The following ERBB4 variants were observed in gnomAD, a reference collection of about 807,000 sequenced individuals.
ERBB4 encodes receptor tyrosine-protein kinase erbB-4.
A neutral mutation model predicts 158.0 loss-of-function variants in ERBB4; 42 were observed. The observed-to-expected ratio is 0.27, with a 90% CI of 0.21 to 0.34. The LOEUF (loss-of-function observed/expected upper bound fraction) is 0.34, where lower values mean the gene tolerates loss of function less well. Among genes scored for constraint, ERBB4 ranks in the 10% least tolerant of loss-of-function variants. The pLI, the probability that ERBB4 is intolerant of heterozygous loss-of-function variation, is 1.00. For missense variants in ERBB4, 1,333 were observed against 1,624.1 expected (o/e 0.82, Z 3.08); for synonymous variants, 583 against 558.7 (o/e 1.04, Z -0.61).
chr2:212,537,150 C>CGGCGGCGGCGGCGGCGGCGGCGGG (rs576146218), intron 1 of ERBB4, among the ~76,000 whole-genome samples: 121 of 151,212 alleles, frequency 8.0e-4, no homozygotes, highest in African/African-American at 2.7e-3. Context: ...GCGGCGGCGG[C>CGGCGGCGGCGGCGGCGGCGGCGGG]GGCGGAGCGG....
rs5838309 is a variant in ERBB4, at chr2:212,206,589, C to CTTTTTTTTT, written c.83-81695_83-81687dup. On this transcript the variant is annotated intron_variant, in intron 1 of 27. Transcript: ENST00000342788. ...ATGAACTGTCTCCGTCTGTTCTGTT[C>CTTTTTTTTT]TTTTTTTTTTTTTTTTGAGACGGAG... is the stretch of plus-strand genomic sequence containing the variant. 3.4e-4 allele frequency among the ~76,000 whole-genome samples: 39 copies of CTTTTTTTTT among 116,410 alleles called. 2 individuals carry two copies. The highest frequency in any genetic ancestry group is 5.7e-4 in the Non-Finnish European group (32 of 55,862). The allele number at this position is 116,410 out of a possible 152,430, so 76.4% of individuals were successfully genotyped here.
chr2:212,502,913 G>A (rs1236178922), intron 1 of ERBB4, among the ~76,000 whole-genome samples: 1 of 152,034 alleles, frequency 6.6e-6, no homozygotes, highest in Non-Finnish European at 1.5e-5. Flanking sequence ...TGGGACTACA[G>A]GAACATGCCA....
At chr2:212,147,082 C>T (rs543469802) in intron 1 of ERBB4, among the ~76,000 whole-genome samples, 8 of 141,486 alleles carry the variant, frequency 5.7e-5, no homozygotes, top group African/African-American at 8.0e-5. Context: ...CCTCCATCTC[C>T]GGGGTTCAAG....
At chr2:212,447,774 TTGTGTGTG>T (rs3040357) in intron 1 of ERBB4, among the ~76,000 whole-genome samples, 9 of 147,102 alleles carry the variant, frequency 6.1e-5, no homozygotes, top group South Asian at 2.2e-4. Context: ...TCATAAAAGA[TTGTGTGTG>T]TGTGTGTGTG....
intron 1 of ERBB4, among the ~76,000 whole-genome samples, chr2:212,378,589 G>C (rs1050445085): frequency 1.3e-5 from 2 of 151,708 alleles, no homozygotes; most frequent in African/African-American, 2.4e-5. Context: ...CATTCAAAGC[G>C]CTCATTTTTT....
rs374752358 is a variant in ERBB4, at chr2:212,384,545, G to A, written c.82+153904C>T. ...ACATTAGCAGAGAAACTTATGAAAA[G>A]GTCATGTCTAAAGACTTCATTTGAT... On this transcript the variant is annotated intron_variant, in intron 1 of 27. Transcript: ENST00000342788. Among the ~76,000 whole-genome samples, 13 of 151,694 alleles carry A rather than the reference G, an allele frequency of 8.6e-5. 1 individual carries two copies. The highest frequency in any genetic ancestry group is 3.1e-4 in the African/African-American group (13 of 41,464).
intron 2 of ERBB4, among the ~76,000 whole-genome samples, chr2:211,949,420 A>G (rs1177086444): frequency 1.3e-5 from 2 of 152,216 alleles, no homozygotes; most frequent in Non-Finnish European, 2.9e-5. Flanking sequence ...TGTAGCTGGC[A>G]TAAATTTAGA....
chr2:211,834,672 G>C (rs1046945545), intron 3 of ERBB4, among the ~76,000 whole-genome samples: 17 of 152,046 alleles, frequency 1.1e-4, no homozygotes, highest in African/African-American at 3.9e-4. Context: ...CATCAATATG[G>C]AAGTGGGCCA....
rs181661871 is a variant in ERBB4, at chr2:211,653,953, T to C, written c.1946+3801A>G. 7.7e-3 allele frequency among the ~76,000 whole-genome samples: 1,177 copies of C among 152,206 alleles called. 10 individuals are homozygous for C. Among genetic ancestry groups the C allele is most frequent in the African/African-American group, 0.025 (1,035 of 41,526 alleles). ...CCTCCCAAAGTGCTGGGATTACAGG[T>C]ATGAGCCACCGCGCCCTGCCCAAAA... On this transcript the variant is annotated intron_variant, in intron 16 of 27. Coordinates refer to ENST00000342788, the MANE Select transcript of ERBB4 (RefSeq NM_005235.3).
chr2:212,357,722 T>C (rs17347530), intron 1 of ERBB4, among the ~76,000 whole-genome samples: 17,756 of 151,750 alleles, frequency 0.12, 1,422 homozygotes, highest in Non-Finnish European at 0.17. Context: ...ATCAAAGACA[T>C]AGTGTGCTGC....
At chr2:212,364,061 T>G (rs1013807110) in intron 1 of ERBB4, among the ~76,000 whole-genome samples, 1 of 151,792 alleles carries the variant, frequency 6.6e-6, no homozygotes, top group African/African-American at 2.4e-5. Context: ...CTGAAGAATG[T>G]TTAAAATTTA....
In ERBB4 at chr2:211,630,610, A is replaced by G. The variant is rs374233119; in HGVS notation, c.1947-16T>C. On this transcript the variant is annotated splice_polypyrimidine_tract_variant and intron_variant, in intron 16 of 27. Transcript: ENST00000342788. ...CAGGGGAGTTCTGACAACCAGAATGAGAAAAAAAAAAATAAAAAGTATGAA... is the reference window on the plus strand; with the variant it reads ...CAGGGGAGTTCTGACAACCAGAATGGGAAAAAAAAAAATAAAAAGTATGAA... 8.4e-5 allele frequency: 134 copies of G among 1,599,890 alleles called. No individual in the cohort carries two copies. The African/African-American group carries it at 1.6e-3, about 19-fold the overall frequency.
At chr2:212,157,201 T>C (rs1441186841) in intron 1 of ERBB4, among the ~76,000 whole-genome samples, 1 of 152,006 alleles carries the variant, frequency 6.6e-6, no homozygotes, top group Non-Finnish European at 1.5e-5. Context: ...TCCCCAGCAT[T>C]TCTGGGCCAT....
chr2:212,061,643 A>T (rs1245382163), intron 2 of ERBB4, among the ~76,000 whole-genome samples: 4 of 151,878 alleles, frequency 2.6e-5, no homozygotes. Flanking sequence ...TATGGGTGGG[A>T]ACTGTTATGT....
At chr2:211,957,556 C>T (rs1338444489) in intron 2 of ERBB4, among the ~76,000 whole-genome samples, 2 of 152,098 alleles carry the variant, frequency 1.3e-5, no homozygotes, top group Non-Finnish European at 2.9e-5. Context: ...CATTATTTAA[C>T]CTTTCTGTGC....
chr2:212,151,856 T>C (rs928120306), intron 1 of ERBB4, among the ~76,000 whole-genome samples: 14 of 152,010 alleles, frequency 9.2e-5, no homozygotes, highest in African/African-American at 3.1e-4. Flanking sequence ...ACCACTGCAC[T>C]CCAGCTAAAA....
intron 1 of ERBB4, among the ~76,000 whole-genome samples, chr2:212,439,525 A>G (rs1430717416): frequency 6.6e-6 from 1 of 152,178 alleles, no homozygotes; most frequent in African/African-American, 2.4e-5. Context: ...CATTCAGGTT[A>G]CTAAGGTATG....
At chr2:212,398,723 A>G (rs1179501091) in intron 1 of ERBB4, among the ~76,000 whole-genome samples, 1 of 152,164 alleles carries the variant, frequency 6.6e-6, no homozygotes, top group African/African-American at 2.4e-5. Flanking sequence ...ATGCCTCTAC[A>G]ATTTGATCAA....
chr2:211,882,788 TC>T (rs2078697849), intron 3 of ERBB4, among the ~76,000 whole-genome samples: 2 of 152,190 alleles, frequency 1.3e-5, no homozygotes. Flanking sequence ...TGGTACCAGT[TC>T]TAACAATTGA....
Sources: gnomAD v4.1 joint callset for allele counts (sites outside exome capture counted in the v4.1 genomes callset) on GRCh38, gnomAD v4.1.1 for gene constraint, MANE v1.5 for transcripts, NCBI Gene and HGNC (gene_info 2026-07-23, HGNC 2026-07-21) for gene names.